Variants in CTDSPL2 observed in about 807,000 individuals in gnomAD.
CTDSPL2 encodes CTD small phosphatase-like protein 2.
In CTDSPL2, 5 loss-of-function variants were observed where a neutral mutation model predicts 60.0. The observed-to-expected ratio is 0.08, with a 90% confidence interval of 0.04 to 0.18. The LOEUF is 0.18. Ranked by LOEUF, CTDSPL2 falls within the 10% of genes least tolerant of loss-of-function variation. The pLI is 1.00. For missense variants in CTDSPL2, 370 were observed against 548.8 expected, an observed-to-expected ratio of 0.67 and a Z score of 3.26; for synonymous variants, 186 against 189.3, an observed-to-expected ratio of 0.98 and a Z score of 0.14.
intron 2 of CTDSPL2, among the ~76,000 whole-genome samples, chr15:44,464,653 A>G (rs1386681777): frequency 6.6e-6 from 1 of 152,112 alleles, no homozygotes; most frequent in African/African-American, 2.4e-5. Flanking sequence ...CTGTGTCTGC[A>G]TCTTTACAGA....
chr15:44,506,413 T>A (rs1341030921), intron 8 of CTDSPL2, among the ~76,000 whole-genome samples: 2 of 103,480 alleles, frequency 1.9e-5, no homozygotes, highest in African/African-American at 1.3e-4. Flanking sequence ...CTACTTTGAC[T>A]TTTTTTTTTT....
intron 11 of CTDSPL2, chr15:44,519,548 ATTC>A: frequency 9.9e-6 from 3 of 303,254 alleles, no homozygotes; most frequent in Non-Finnish European, 1.8e-5. Flanking sequence ...ATTGAATAGC[ATTC>A]TTATCAGTTA....
chr15:44,510,905 G>A (rs540448283), intron 8 of CTDSPL2, among the ~76,000 whole-genome samples: 1 of 152,150 alleles, frequency 6.6e-6, no homozygotes, highest in Non-Finnish European at 1.5e-5. Context: ...CAGACAGTAC[G>A]TAGTGCTTCT....
At chr15:44,520,139 CTTT>C (rs943273692) in intron 11 of CTDSPL2, 1 of 148,104 alleles carries the variant, frequency 6.8e-6, no homozygotes, top group African/African-American at 2.5e-5. Flanking sequence ...TTTCTTTTTT[CTTT>C]TTTTTGTTTT....
intron 2 of CTDSPL2, among the ~76,000 whole-genome samples, chr15:44,460,124 A>G (rs1195545164): frequency 6.6e-6 from 1 of 151,948 alleles, no homozygotes; most frequent in African/African-American, 2.4e-5. Context: ...TTATTTATTT[A>G]TTTTTGAAAC....
intron 2 of CTDSPL2, among the ~76,000 whole-genome samples, chr15:44,473,636 C>G (rs1595734254): frequency 6.6e-6 from 1 of 152,138 alleles, no homozygotes; most frequent in Non-Finnish European, 1.5e-5. Flanking sequence ...ACTTTTAGCT[C>G]TTTGATACAT....
At chr15:44,490,480 TTTTAA>T (rs1331913225) in intron 4 of CTDSPL2, among the ~76,000 whole-genome samples, 2 of 152,182 alleles carry the variant, frequency 1.3e-5, no homozygotes, top group African/African-American at 4.8e-5. Context: ...TTTTTATATC[TTTTAA>T]TTAAAAGGTT....
chr15:44,431,895 T>C (rs986389134), intron 1 of CTDSPL2, among the ~76,000 whole-genome samples: 16 of 151,802 alleles, frequency 1.1e-4, no homozygotes, highest in African/African-American at 3.6e-4. Context: ...CTTTGTATTT[T>C]TTTTCTTTAG....
intron 7 of CTDSPL2, 135 bp from the exon 8 acceptor site, chr15:44,499,592 A>T (rs2081355291): frequency 2.1e-6 from 1 of 485,708 alleles, no homozygotes; most frequent in African/African-American, 2.0e-5. Context: ...GCTGTGCCAC[A>T]TATAGTAATA....
At position 44,523,968 on chromosome 15, in the gene CTDSPL2, G is replaced by GT. The variant is rs1286568018; in HGVS notation, c.1336-140dup. 1.4e-5 allele frequency: 9 copies of GT among 654,012 alleles called. No individual in the cohort carries two copies. In the African/African-American group the frequency reaches 1.6e-4, roughly 12 times the overall value. The allele number at this position is 654,012 out of a possible 1,614,324, so 40.5% of individuals were successfully genotyped here. A position where few individuals can be genotyped will look rare whatever the true frequency, so the allele number is the denominator to read the frequency against. ...CAAAATCTTAAATTTAACTGCATCT[G>GT]TGTAGTATCTCTATTTGGCAAATAA... On this transcript the variant is annotated intron_variant, in intron 12 of 12. Transcript: ENST00000260327.
intron 1 of CTDSPL2, among the ~76,000 whole-genome samples, chr15:44,450,784 AGG>A (rs1323727274): frequency 6.6e-6 from 1 of 151,138 alleles, no homozygotes; most frequent in Non-Finnish European, 1.5e-5. Context: ...TTTGTAGAGA[AGG>A]GGCGTTTCAC....
intron 2 of CTDSPL2, among the ~76,000 whole-genome samples, chr15:44,478,452 CAAAAAAAAAAAA>C (rs61080056): frequency 3.2e-4 from 12 of 38,018 alleles, no homozygotes; most frequent in Middle Eastern, 0.029. Flanking sequence ...GACTCTGTCT[CAAAAAAAAAAAA>C]AAAAAAAAAA....
intron 2 of CTDSPL2, among the ~76,000 whole-genome samples, chr15:44,478,350 G>A (rs1174735762): frequency 2.7e-5 from 4 of 150,538 alleles, no homozygotes; most frequent in Admixed American, 6.7e-5. Context: ...TTCTCGGGAG[G>A]CTGAGGCAGG....
At chr15:44,482,589 A>C (rs573820453) in intron 2 of CTDSPL2, among the ~76,000 whole-genome samples, 37 of 152,188 alleles carry the variant, frequency 2.4e-4, no homozygotes, top group Non-Finnish European at 5.1e-4. Flanking sequence ...TGAAGATTCC[A>C]TGTTTGTGAT....
chr15:44,495,548 CAA>C (rs756447042), intron 5 of CTDSPL2, among the ~76,000 whole-genome samples: 28 of 99,546 alleles, frequency 2.8e-4, no homozygotes, highest in African/African-American at 2.2e-4. Context: ...GACTCCGCCT[CAA>C]AAAAAAAAAA....
chr15:44,515,181 G>A (rs1180213211), intron 10 of CTDSPL2, among the ~76,000 whole-genome samples: 1 of 152,102 alleles, frequency 6.6e-6, no homozygotes, highest in Non-Finnish European at 1.5e-5. Context: ...CTGAGGTAAT[G>A]CATGTTAATT....
At chr15:44,498,859 G>C (rs1259574678) in intron 7 of CTDSPL2, among the ~76,000 whole-genome samples, 1 of 151,934 alleles carries the variant, frequency 6.6e-6, no homozygotes, top group African/African-American at 2.4e-5. Flanking sequence ...AGATCATCTG[G>C]TGCTGAGTAA....
At position 44,506,091 on chromosome 15, in the gene CTDSPL2, G is replaced by T. The variant is rs367631305; in HGVS notation, c.969+6278G>T. On this transcript the variant is annotated intron_variant, in intron 8 of 12. Coordinates refer to ENST00000260327, the MANE Select transcript of CTDSPL2 (RefSeq NM_016396.3). ...GTTGCCCAGGCTGGAGTGCAATGGC[G>T]CTATCTTGGCTCACCACAATCTCTG... Among the ~76,000 whole-genome samples, 234 of 143,128 alleles carry T rather than the reference G, an allele frequency of 1.6e-3. 4 individuals carry two copies. The South Asian group carries it at 0.034, about 21-fold the overall frequency. The allele number at this position is 143,128 out of a possible 152,430, so 93.9% of individuals were successfully genotyped here.
At chr15:44,444,663 G>C (rs967026787) in intron 1 of CTDSPL2, among the ~76,000 whole-genome samples, 1 of 150,356 alleles carries the variant, frequency 6.7e-6, no homozygotes. Context: ...TCTTCTAAGA[G>C]TCTTAGCTCT....
Sources: allele counts gnomAD v4.1 joint callset (sites outside exome capture counted in the v4.1 genomes callset), GRCh38; gene constraint gnomAD v4.1.1; transcripts MANE v1.5; gene names NCBI Gene and HGNC (gene_info 2026-07-23, HGNC 2026-07-21).